EBPL: variants seen among roughly 807,000 people sequenced by gnomAD.
The protein encoded by EBPL is EBP like.
A neutral mutation model predicts 19.0 loss-of-function variants in EBPL; 20 were observed. The ratio of observed to expected loss-of-function variants is 1.05; its 90% CI spans 0.74 to 1.53. The LOEUF (loss-of-function observed/expected upper bound fraction) is 1.53. Ranked by LOEUF, EBPL falls within the 40% of genes most tolerant of loss-of-function variation. The pLI is 0.00. For missense variants in EBPL, 219 were observed against 261.1 expected, an observed-to-expected ratio of 0.84 and a Z score of 1.11; for synonymous variants, 107 against 117.0, an observed-to-expected ratio of 0.91 and a Z score of 0.55.
At chr13:49,690,288 G>A (rs948115688) in intron 1 of EBPL, among the ~76,000 whole-genome samples, 2 of 151,804 alleles carry the variant, frequency 1.3e-5, no homozygotes, top group African/African-American at 4.8e-5. Flanking sequence ...TCAGTCATGG[G>A]CACAAAGCCA....
intron 2 of EBPL, among the ~76,000 whole-genome samples, chr13:49,665,645 T>A (rs7318637): frequency 6.6e-6 from 1 of 151,958 alleles, no homozygotes; most frequent in Non-Finnish European, 1.5e-5. Context: ...CCTCAAGTGA[T>A]CCATCTGTTT....
Position 49,660,951 on chromosome 13 carries a change from T to C in EBPL, c.*17A>G, listed in dbSNP as rs755820796. Reference sequence around the variant, plus strand: ...TGGTTCATGAAGTTAGATAATGGTGTTTATGGTTTTGAAAGTTCACTGAAA... The same window carrying C: ...TGGTTCATGAAGTTAGATAATGGTGCTTATGGTTTTGAAAGTTCACTGAAA... On this transcript the variant is annotated 3_prime_UTR_variant, in exon 4 of 4. Coordinates refer to ENST00000242827, the MANE Select transcript of EBPL (RefSeq NM_032565.5). 1 of 1,589,866 alleles carries C rather than the reference T, an allele frequency of 6.3e-7. No homozygotes were observed. Among genetic ancestry groups the C allele is most frequent in the South Asian group, 1.1e-5 (1 of 89,098 alleles).
chr13:49,663,805 C>T (rs1177276497), intron 2 of EBPL, among the ~76,000 whole-genome samples: 5 of 151,832 alleles, frequency 3.3e-5, no homozygotes, highest in African/African-American at 9.7e-5. Context: ...GGCATGGTGG[C>T]GGGCACCTGC....
intron 3 of EBPL, among the ~76,000 whole-genome samples, chr13:49,662,212 G>T (rs1036392202): frequency 6.6e-6 from 1 of 152,128 alleles, no homozygotes; most frequent in Non-Finnish European, 1.5e-5. Context: ...TGGCCAGGCT[G>T]GTCCTGAACT....
chr13:49,687,427 C>T (rs1270541936), intron 1 of EBPL, among the ~76,000 whole-genome samples: 1 of 152,178 alleles, frequency 6.6e-6, no homozygotes, highest in Admixed American at 6.5e-5. Context: ...CCAACCTGCA[C>T]CATGTTGAGA....
At chr13:49,685,494 G>A (rs1953986501) in intron 1 of EBPL, among the ~76,000 whole-genome samples, 1 of 152,040 alleles carries the variant, frequency 6.6e-6, no homozygotes, top group Admixed American at 6.6e-5. Flanking sequence ...TTGAAAAACA[G>A]GCTATAGAAG....
intron 2 of EBPL, among the ~76,000 whole-genome samples, chr13:49,666,292 C>T (rs1206722768): frequency 6.6e-6 from 1 of 152,194 alleles, no homozygotes; most frequent in Non-Finnish European, 1.5e-5. Context: ...TCTGTGCCTG[C>T]TCCCCTTGAT....
At chr13:49,677,735 C>A (rs1360663118) in intron 1 of EBPL, among the ~76,000 whole-genome samples, 1 of 152,192 alleles carries the variant, frequency 6.6e-6, no homozygotes, top group Non-Finnish European at 1.5e-5. Context: ...AGTGAAACTC[C>A]TTCTCTACTA....
intron 2 of EBPL, among the ~76,000 whole-genome samples, chr13:49,665,096 A>G (rs1205494473): frequency 6.6e-6 from 1 of 151,174 alleles, no homozygotes; most frequent in Non-Finnish European, 1.5e-5. Flanking sequence ...AGGAACAAAA[A>G]GAGATATTGA....
chr13:49,686,202 G>A (rs1953995377), intron 1 of EBPL, among the ~76,000 whole-genome samples: 3 of 152,198 alleles, frequency 2.0e-5, no homozygotes, highest in Admixed American at 6.5e-5. Context: ...ATCAGACAGC[G>A]AGAGCTGCCT....
intron 1 of EBPL, among the ~76,000 whole-genome samples, chr13:49,678,311 G>A (rs1378435059): frequency 2.0e-5 from 3 of 152,204 alleles, no homozygotes; most frequent in African/African-American, 7.2e-5. Context: ...AGAGCTACCC[G>A]CCAGTCCTGC....
At chr13:49,681,928 C>T (rs2137506493) in intron 1 of EBPL, among the ~76,000 whole-genome samples, 1 of 152,300 alleles carries the variant, frequency 6.6e-6, no homozygotes, top group Middle Eastern at 3.4e-3. Flanking sequence ...GTACATAAAT[C>T]CTGTCAACAT....
At chr13:49,661,419 C>G (rs1965146820) in intron 3 of EBPL, among the ~76,000 whole-genome samples, 1 of 152,172 alleles carries the variant, frequency 6.6e-6, no homozygotes, top group Non-Finnish European at 1.5e-5. Context: ...AGCAACACTG[C>G]CCTTTCTAGA....
intron 1 of EBPL, among the ~76,000 whole-genome samples, chr13:49,683,826 T>C (rs9568305): frequency 0.63 from 96,126 of 152,032 alleles, 32,109 homozygotes; most frequent in East Asian, 0.76. Context: ...AAGAATCCCA[T>C]TCCAAGGCCT....
intron 1 of EBPL, among the ~76,000 whole-genome samples, chr13:49,680,839 C>T (rs1361213989): frequency 9.1e-6 from 1 of 110,202 alleles, no homozygotes; most frequent in Non-Finnish European, 2.1e-5. Context: ...AAACAAAATA[C>T]AAAACAAACA....
intron 1 of EBPL, among the ~76,000 whole-genome samples, chr13:49,672,812 C>A (rs1304971385): frequency 6.6e-6 from 1 of 152,182 alleles, no homozygotes; most frequent in African/African-American, 2.4e-5. Context: ...GTAATCCCAG[C>A]ACTTTGGGAG....
At chr13:49,662,156 G>C (rs1030805962) in intron 3 of EBPL, among the ~76,000 whole-genome samples, 1 of 152,080 alleles carries the variant, frequency 6.6e-6, no homozygotes, top group Non-Finnish European at 1.5e-5. Context: ...ACCGTGCCTG[G>C]CTAGCTAATT....
chr13:49,675,601 T>G (rs765914832), intron 1 of EBPL, among the ~76,000 whole-genome samples: 3 of 152,230 alleles, frequency 2.0e-5, no homozygotes, highest in Non-Finnish European at 4.4e-5. Flanking sequence ...CTGGTGGACA[T>G]TTATGTTGTT....
At chr13:49,673,569 T>C (rs932960326) in intron 1 of EBPL, among the ~76,000 whole-genome samples, 1 of 152,152 alleles carries the variant, frequency 6.6e-6, no homozygotes, top group Non-Finnish European at 1.5e-5. Context: ...CCCAAGTAGC[T>C]GGGATTACAG....
Sources: allele counts gnomAD v4.1 joint callset (sites outside exome capture counted in the v4.1 genomes callset), GRCh38; gene constraint gnomAD v4.1.1; transcripts MANE v1.5; gene names NCBI Gene and HGNC (gene_info 2026-07-23, HGNC 2026-07-21).